Variants in CDK8 observed in about 807,000 individuals in gnomAD.
CDK8 encodes the protein cyclin-dependent kinase 8.
CDK8 carries 29 observed loss-of-function variants against 71.5 expected under a neutral mutation model. The observed-to-expected ratio is 0.41, with a 90% CI of 0.30 to 0.55. CDK8 has a LOEUF of 0.55. CDK8 is among the 20% of genes least tolerant of loss of function. The pLI is 0.37. For synonymous variants in CDK8, 161 were observed against 192.1 expected (o/e 0.84, Z 1.34); for missense variants, 288 against 572.6 (o/e 0.50, Z 5.07).
At position 26,273,341 on chromosome 13, in the gene CDK8, T is replaced by C. The variant is rs147478561; in HGVS notation, c.128+18572T>C. 4.0e-3 allele frequency among the ~76,000 whole-genome samples: 606 copies of C among 152,306 alleles called. 7 individuals are homozygous for C. Among genetic ancestry groups the C allele is most frequent in the African/African-American group, 0.014 (571 of 41,574 alleles). On this transcript the variant is annotated intron_variant, in intron 1 of 12. Coordinates refer to ENST00000381527, the MANE Select transcript of CDK8 (RefSeq NM_001260.3). ...TACTTTCTTTTTTGCCAAGATTGTT[T>C]TGACTTTTTTGTAGTTCATGAAGTT...
chr13:26,280,174 C>T (rs1033761932), intron 1 of CDK8, among the ~76,000 whole-genome samples: 13 of 152,114 alleles, frequency 8.5e-5, no homozygotes, highest in South Asian at 4.1e-4. Context: ...TAAATAATTA[C>T]GTGTAAAATT....
intron 1 of CDK8, among the ~76,000 whole-genome samples, chr13:26,294,132 C>CTT (rs35555772): frequency 0.1 from 15,001 of 147,080 alleles, 2,235 homozygotes; most frequent in African/African-American, 0.33. Flanking sequence ...TATTCTGCAC[C>CTT]TTTTTTTTTT....
intron 1 of CDK8, among the ~76,000 whole-genome samples, chr13:26,313,735 G>A (rs182368832): frequency 5.9e-5 from 9 of 152,258 alleles, no homozygotes; most frequent in Admixed American, 5.9e-4. Context: ...TGAGGCGAGT[G>A]ACTTGATGTA....
At chr13:26,396,729 T>C (rs990912802) in intron 8 of CDK8, among the ~76,000 whole-genome samples, 3 of 152,096 alleles carry the variant, frequency 2.0e-5, no homozygotes, top group African/African-American at 7.2e-5. Flanking sequence ...TTTAAGCAGG[T>C]TTTAACAGAG....
At chr13:26,306,719 C>T (rs1362747374) in intron 1 of CDK8, among the ~76,000 whole-genome samples, 1 of 151,062 alleles carries the variant, frequency 6.6e-6, no homozygotes, top group African/African-American at 2.4e-5. Flanking sequence ...GCCTCCGCCT[C>T]CTGGGTTCAA....
At chr13:26,393,005 C>T (rs1018241108) in intron 6 of CDK8, among the ~76,000 whole-genome samples, 1 of 152,102 alleles carries the variant, frequency 6.6e-6, no homozygotes, top group Non-Finnish European at 1.5e-5. Context: ...TCCCATGCTC[C>T]ATATGCAGCT....
At chr13:26,365,984 A>G (rs1181445987) in intron 4 of CDK8, among the ~76,000 whole-genome samples, 2 of 152,160 alleles carry the variant, frequency 1.3e-5, no homozygotes, top group African/African-American at 4.8e-5. Context: ...AAAAAAAACC[A>G]TAAAAATTAA....
intron 1 of CDK8, among the ~76,000 whole-genome samples, chr13:26,277,660 T>C (rs192061039): frequency 6.6e-6 from 1 of 152,288 alleles, no homozygotes; most frequent in Non-Finnish European, 1.5e-5. Context: ...TATAGGTAAG[T>C]TGAACTTGTT....
chr13:26,268,232 G>T (rs1163218247), intron 1 of CDK8, among the ~76,000 whole-genome samples: 1 of 142,736 alleles, frequency 7.0e-6, no homozygotes, highest in Non-Finnish European at 1.5e-5. Flanking sequence ...ATTTTTTTTT[G>T]AAAGTTTTGC....
intron 1 of CDK8, among the ~76,000 whole-genome samples, chr13:26,300,815 A>C (rs907587780): frequency 6.6e-6 from 1 of 152,178 alleles, no homozygotes; most frequent in African/African-American, 2.4e-5. Flanking sequence ...TCCCGCTCTA[A>C]AAAGACATTA....
chr13:26,297,826 A>G (rs983760020), intron 1 of CDK8, among the ~76,000 whole-genome samples: 1 of 152,216 alleles, frequency 6.6e-6, no homozygotes, highest in East Asian at 1.9e-4. Flanking sequence ...CTTATAAACA[A>G]CACAAATTAT....
intron 1 of CDK8, among the ~76,000 whole-genome samples, chr13:26,304,580 C>T (rs1486333009): frequency 2.6e-5 from 4 of 151,914 alleles, no homozygotes; most frequent in Non-Finnish European, 5.9e-5. Context: ...TTTTTCCAAA[C>T]TTCAACTCCA....
At chr13:26,265,015 T>G (rs899214241) in intron 1 of CDK8, among the ~76,000 whole-genome samples, 4 of 152,238 alleles carry the variant, frequency 2.6e-5, no homozygotes, top group African/African-American at 9.6e-5. Context: ...CCTTTGCTGT[T>G]GTAAATAGTG....
intron 7 of CDK8, among the ~76,000 whole-genome samples, chr13:26,396,019 A>C (rs755466125): frequency 6.6e-6 from 1 of 152,188 alleles, no homozygotes; most frequent in Non-Finnish European, 1.5e-5. Context: ...CTCTAGTGAC[A>C]GAAATTGAGG....
chr13:26,393,037 G>A (rs755085369), intron 6 of CDK8, among the ~76,000 whole-genome samples: 8 of 152,028 alleles, frequency 5.3e-5, no homozygotes, highest in Non-Finnish European at 1.2e-4. Context: ...CACAGAAAAG[G>A]TATCACCTGG....
chr13:26,368,256 G>GA (rs1356383771), intron 4 of CDK8, among the ~76,000 whole-genome samples: 2 of 152,146 alleles, frequency 1.3e-5, no homozygotes, highest in African/African-American at 2.4e-5. Flanking sequence ...GATTACTGCA[G>GA]AAACTCCCCA....
At chr13:26,255,438 C>T (rs1288055242) in intron 1 of CDK8, among the ~76,000 whole-genome samples, 2 of 152,174 alleles carry the variant, frequency 1.3e-5, no homozygotes, top group Non-Finnish European at 2.9e-5. Flanking sequence ...CAGGCGGTTT[C>T]CCCCAAATTT....
At chr13:26,340,627 G>C (rs192615545) in intron 2 of CDK8, among the ~76,000 whole-genome samples, 1 of 151,924 alleles carries the variant, frequency 6.6e-6, no homozygotes, top group South Asian at 2.1e-4. Context: ...ATTCTTCCTC[G>C]AAGAAGTTGT....
At chr13:26,295,432 A>G (rs1471433330) in intron 1 of CDK8, among the ~76,000 whole-genome samples, 1 of 152,198 alleles carries the variant, frequency 6.6e-6, no homozygotes, top group Non-Finnish European at 1.5e-5. Flanking sequence ...AGTGATATTT[A>G]TGAGGCTTTT....
Sources: allele counts gnomAD v4.1 joint callset (sites outside exome capture counted in the v4.1 genomes callset), GRCh38; gene constraint gnomAD v4.1.1; transcripts MANE v1.5; gene names NCBI Gene and HGNC (gene_info 2026-07-23, HGNC 2026-07-21).